HIF1AN: variants seen among roughly 807,000 people sequenced by gnomAD.
HIF1AN encodes hypoxia inducible factor 1 subunit alpha inhibitor, also known as hypoxia-inducible factor 1-alpha inhibitor.
HIF1AN carries 21 observed loss-of-function variants against 47.7 expected under a neutral mutation model. The ratio of observed to expected loss-of-function variants is 0.44; its 90% CI spans 0.31 to 0.63. The LOEUF is 0.63. Among genes scored for constraint, HIF1AN ranks in the 30% least tolerant of loss-of-function variants. The probability of loss-of-function intolerance (pLI) is 0.07; values close to 1 mark genes in which losing one functional copy is unlikely to be tolerated. For synonymous variants in HIF1AN, 152 were observed against 155.9 expected (o/e 0.98, Z 0.18); for missense variants, 320 against 432.7 (o/e 0.74, Z 2.31).
chr10:100,547,964 G>C, intron 7 of HIF1AN, 129 bp from the exon 8 acceptor site: 1 of 811,240 alleles, frequency 1.2e-6, no homozygotes. Context: ...GTGATTAGAG[G>C]ATTCACAAGA....
chr10:100,542,698 C>T (rs931917786), intron 3 of HIF1AN, among the ~76,000 whole-genome samples: 46 of 152,132 alleles, frequency 3.0e-4, no homozygotes, highest in Admixed American at 9.8e-4. Context: ...TCATGGAGTT[C>T]GAATTCAAAA....
In HIF1AN at chr10:100,549,703, A is replaced by G. The variant is rs1281131376; in HGVS notation, c.*1566A>G. 1 of 148,976 alleles carries G rather than the reference A, an allele frequency of 6.7e-6. No homozygotes were observed. Among genetic ancestry groups the G allele is most frequent in the Non-Finnish European group, 1.5e-5 (1 of 67,448 alleles). 9.2% of individuals were successfully genotyped at this position (148,976 alleles called of 1,614,324 possible). A position where few individuals can be genotyped will look rare whatever the true frequency, so the allele number is the denominator to read the frequency against. Reference sequence around the variant, plus strand: ...CCTCACCTCTGCTCCTGTCTTCATCACCTTCTCTCTGGAAGGGAAGAGGAG... The same window carrying G: ...CCTCACCTCTGCTCCTGTCTTCATCGCCTTCTCTCTGGAAGGGAAGAGGAG... On this transcript the variant is annotated 3_prime_UTR_variant, in exon 8 of 8. Transcript: ENST00000299163.
In HIF1AN at chr10:100,555,990, G is replaced by A. The variant is rs1243351619; in HGVS notation, c.*7853G>A. 6.6e-6 allele frequency: 1 copy of A among 152,194 alleles called. No homozygotes were observed. The highest frequency in any genetic ancestry group is 1.5e-5 in the Non-Finnish European group (1 of 68,034). The allele number at this position is 152,194 out of a possible 1,614,324, so 9.4% of individuals were successfully genotyped here. A position where few individuals can be genotyped will look rare whatever the true frequency, so the allele number is the denominator to read the frequency against. On this transcript the variant is annotated 3_prime_UTR_variant, in exon 8 of 8. Coordinates refer to ENST00000299163, the MANE Select transcript of HIF1AN (RefSeq NM_017902.3). ...CGAAACTTGACTTGTTTATATGTAT[G>A]GGGAAGACATCATTTACATTGTCAG... is the stretch of plus-strand genomic sequence containing the variant.
rs1317695572 is a variant in HIF1AN at position 100,557,995 on chromosome 10, A to G, written c.*9858A>G. 1 of 152,304 alleles carries G rather than the reference A, an allele frequency of 6.6e-6. No homozygotes were observed. The highest frequency in any genetic ancestry group is 1.5e-5 in the Non-Finnish European group (1 of 68,128). The allele number at this position is 152,304 out of a possible 1,614,324, so 9.4% of individuals were successfully genotyped here. A position where few individuals can be genotyped will look rare whatever the true frequency, so the allele number is the denominator to read the frequency against. On this transcript the variant is annotated 3_prime_UTR_variant, in exon 8 of 8. Transcript: ENST00000299163. ...AGAGATCAGTTCTGTAAGAGGGAGCATGAGTGTGAATGGGGAAGAATCATG... is the reference window on the plus strand; with the variant it reads ...AGAGATCAGTTCTGTAAGAGGGAGCGTGAGTGTGAATGGGGAAGAATCATG...
In HIF1AN at chr10:100,551,455, T is replaced by A. The variant is rs970945976; in HGVS notation, c.*3318T>A. On this transcript the variant is annotated 3_prime_UTR_variant, in exon 8 of 8. Transcript: ENST00000299163. ...CCTCTGCCCCCAGAGACTCCTGGGC[T>A]ACATCCTCTTTCAGTATTGCCACAA... The A allele has an allele frequency of 3.9e-5, 6 of 152,258 alleles. No individual in the cohort carries two copies. Among genetic ancestry groups the A allele is most frequent in the African/African-American group, 1.4e-4 (6 of 41,468 alleles). The allele number at this position is 152,258 out of a possible 1,614,324, so 9.4% of individuals were successfully genotyped here.
intron 5 of HIF1AN, 73 bp from the exon 6 acceptor site, chr10:100,546,445 C>G: frequency 1.2e-6 from 1 of 811,644 alleles, no homozygotes; most frequent in African/African-American, 1.7e-5. Context: ...ACCCTGCCAC[C>G]CCCCCGCACT....
chr10:100,547,034 C>T, intron 6 of HIF1AN, 106 bp from the exon 7 acceptor site: 1 of 813,536 alleles, frequency 1.2e-6, no homozygotes. Context: ...GTCACCGTGC[C>T]CGGCAAGAAT....
rs1175356462 is a variant in HIF1AN, at chr10:100,549,022, C to T, written c.*885C>T. The T allele has an allele frequency of 6.6e-6, 1 of 152,032 alleles. No individual in the cohort carries two copies. The highest frequency in any genetic ancestry group is 1.5e-5 in the Non-Finnish European group (1 of 68,382). The allele number at this position is 152,032 out of a possible 1,614,324, so 9.4% of individuals were successfully genotyped here. On this transcript the variant is annotated 3_prime_UTR_variant, in exon 8 of 8. Transcript: ENST00000299163. ...GTGTGTGTCTGTGTGTGCGTATCCACACTAGGGGTGCAAGCCTCTGGGTGT... is the reference window on the plus strand; with the variant it reads ...GTGTGTGTCTGTGTGTGCGTATCCATACTAGGGGTGCAAGCCTCTGGGTGT...
At chr10:100,547,078 C>T in intron 6 of HIF1AN, 62 bp from the exon 7 acceptor site, 1 of 1,186,860 alleles carries the variant, frequency 8.4e-7, no homozygotes, top group Non-Finnish European at 1.2e-6. Flanking sequence ...GTACTAAGAA[C>T]AGTAGAGTGA....
intron 4 of HIF1AN, 134 bp downstream of exon 4, chr10:100,545,230 G>A (rs965557636): frequency 6.6e-6 from 6 of 911,284 alleles, no homozygotes; most frequent in South Asian, 3.8e-5. Flanking sequence ...CACACCAAGA[G>A]GGTAATTTCA....
rs1219092588 is a variant in HIF1AN at position 100,551,289 on chromosome 10, G to T, written c.*3152G>T. The T allele has an allele frequency of 6.6e-6, 1 of 152,218 alleles. No homozygotes were observed. Among genetic ancestry groups the T allele is most frequent in the Non-Finnish European group, 1.5e-5 (1 of 68,034 alleles). The allele number at this position is 152,218 out of a possible 1,614,324, so 9.4% of individuals were successfully genotyped here. On this transcript the variant is annotated 3_prime_UTR_variant, in exon 8 of 8. Transcript: ENST00000299163. ...TGCTCTCATTTGCGTAATGGTTTCT[G>T]TCACTGGTGATTAGACACAGGATGA...
In HIF1AN at chr10:100,557,886, C is replaced by T. The variant is rs1018731065; in HGVS notation, c.*9749C>T. The T allele has an allele frequency of 6.6e-6, 1 of 152,230 alleles. No individual in the cohort carries two copies. Among genetic ancestry groups the T allele is most frequent in the Admixed American group, 6.5e-5 (1 of 15,278 alleles). The allele number at this position is 152,230 out of a possible 1,614,324, so 9.4% of individuals were successfully genotyped here. The stretch of plus-strand genomic sequence containing the variant: ...TTTTCCTCCATTTCTTCTTAGGAAG[C>T]ATCGTTTACCCAGCATAAACAGGAG... On this transcript the variant is annotated 3_prime_UTR_variant, in exon 8 of 8. Coordinates refer to ENST00000299163, the MANE Select transcript of HIF1AN (RefSeq NM_017902.3).
At position 100,545,071 on chromosome 10, in the gene HIF1AN, A is replaced by C; in HGVS notation, c.698A>C (p.His233Pro). 1 of 1,614,184 alleles carries C rather than the reference A, an allele frequency of 6.2e-7. No individual in the cohort carries two copies. The highest frequency in any genetic ancestry group is 8.5e-7 in the Non-Finnish European group (1 of 1,180,014). ...QFECLYPYPV[H>P]HPCDRQSQVD... is the part of the protein sequence containing the mutation. ...GAGTGCCTCTACCCATACCCTGTTCATCACCCATGTGACAGACAGAGCCAG... is the reference window on the plus strand; with the variant it reads ...GAGTGCCTCTACCCATACCCTGTTCCTCACCCATGTGACAGACAGAGCCAG... The change falls in exon 4 of 8, where the codon CAT (histidine) becomes CCT (proline). Residue 233 changes from histidine to proline, a missense_variant. His to Pro is a moderately conservative substitution (Grantham distance 77). Coordinates refer to ENST00000299163, the MANE Select transcript of HIF1AN (RefSeq NM_017902.3).
intron 5 of HIF1AN, 74 bp from the exon 6 acceptor site, chr10:100,546,443 AC>A (rs1201001681): frequency 8.8e-5 from 40 of 456,070 alleles, no homozygotes; most frequent in Admixed American, 1.7e-4. Context: ...CAACCCTGCC[AC>A]CCCCCCGCAC....
In HIF1AN at chr10:100,554,142, T is replaced by C. The variant is rs1843193534; in HGVS notation, c.*6005T>C. 6.6e-6 allele frequency: 1 copy of C among 152,184 alleles called. No homozygotes were observed. Among genetic ancestry groups the C allele is most frequent in the Non-Finnish European group, 1.5e-5 (1 of 68,072 alleles). 9.4% of individuals were successfully genotyped at this position (152,184 alleles called of 1,614,324 possible). A position where few individuals can be genotyped will look rare whatever the true frequency, so the allele number is the denominator to read the frequency against. Reference sequence around the variant, plus strand: ...TTCTGCCTGGGCAGCCAGACTTTACTGCTGTACTACCAGCCCAGGGCCTTG... The same window carrying C: ...TTCTGCCTGGGCAGCCAGACTTTACCGCTGTACTACCAGCCCAGGGCCTTG... On this transcript the variant is annotated 3_prime_UTR_variant, in exon 8 of 8. Coordinates refer to ENST00000299163, the MANE Select transcript of HIF1AN (RefSeq NM_017902.3).
rs927817081 is a variant in HIF1AN at position 100,559,044 on chromosome 10, G to A, written c.*10907G>A. ...GAATTTTAAGTTGAAATTTTGCTAA[G>A]TTTCTTTTTTTTTTTTTTGAGACGG... On this transcript the variant is annotated 3_prime_UTR_variant, in exon 8 of 8. Transcript: ENST00000299163. The A allele has an allele frequency of 6.6e-6, 1 of 150,812 alleles. No individual in the cohort carries two copies. The highest frequency in any genetic ancestry group is 2.4e-5 in the African/African-American group (1 of 41,096). 9.3% of individuals were successfully genotyped at this position (150,812 alleles called of 1,614,324 possible). A position where few individuals can be genotyped will look rare whatever the true frequency, so the allele number is the denominator to read the frequency against.
At chr10:100,547,106 A>G (rs1564663854) in intron 6 of HIF1AN, 34 bp from the exon 7 acceptor site, 3 of 1,483,524 alleles carry the variant, frequency 2.0e-6, no homozygotes, top group African/African-American at 2.8e-5. Context: ...GCCTGCTGCT[A>G]AAGGCATTTC....
chr10:100,536,159 A>G, intron 1 of HIF1AN, 24 bp downstream of exon 1: 1 of 1,568,064 alleles, frequency 6.4e-7, no homozygotes, highest in Non-Finnish European at 8.6e-7. Context: ...CCGCGTCTAA[A>G]GGGAGAGGAG....
Position 100,549,655 on chromosome 10 carries a change from G to C in HIF1AN, c.*1518G>C, listed in dbSNP as rs1843135445. The C allele has an allele frequency of 1.3e-5, 2 of 152,226 alleles. No individual in the cohort carries two copies. Among genetic ancestry groups the C allele is most frequent in the Admixed American group, 1.3e-4 (2 of 15,272 alleles). 9.4% of individuals were successfully genotyped at this position (152,226 alleles called of 1,614,324 possible). On this transcript the variant is annotated 3_prime_UTR_variant, in exon 8 of 8. Coordinates refer to ENST00000299163, the MANE Select transcript of HIF1AN (RefSeq NM_017902.3). ...AGTGGGAGTGGGGTCCCTGGGATTG[G>C]GCAGTGTGGTGGCCCTGTGTCTCCT...
Sources: gnomAD v4.1 joint callset for allele counts (sites outside exome capture counted in the v4.1 genomes callset) on GRCh38, gnomAD v4.1.1 for gene constraint, MANE v1.5 for transcripts, NCBI Gene and HGNC (gene_info 2026-07-23, HGNC 2026-07-21) for gene names.